PNPLA7: variants seen among roughly 807,000 people sequenced by gnomAD.
The protein encoded by PNPLA7 is patatin like domain 7, lysophospholipase, also known as patatin-like phospholipase domain-containing protein 7.
In PNPLA7, 153 loss-of-function variants were observed where a neutral mutation model predicts 161.7. The observed-to-expected ratio is 0.95, with a 90% CI of 0.83 to 1.08. The LOEUF (loss-of-function observed/expected upper bound fraction) is 1.08. PNPLA7 is among the 50% of genes least tolerant of loss of function. The pLI is 0.00. For synonymous variants in PNPLA7, 809 were observed against 782.1 expected, an observed-to-expected ratio of 1.03 and a Z score of -0.57; for missense variants, 1,739 against 1,856.6, an observed-to-expected ratio of 0.94 and a Z score of 1.16.
intron 1 of PNPLA7, among the ~76,000 whole-genome samples, chr9:137,549,186 A>C (rs1018854436): frequency 6.6e-6 from 1 of 152,250 alleles, no homozygotes; most frequent in East Asian, 1.9e-4. Context: ...TGTTTGACTA[A>C]GAAAAAGATT....
At chr9:137,522,114 G>A (rs936545786) in intron 9 of PNPLA7, among the ~76,000 whole-genome samples, 1 of 152,044 alleles carries the variant, frequency 6.6e-6, no homozygotes, top group Non-Finnish European at 1.5e-5. Context: ...TCGCTATGCC[G>A]CCCAGGCTGG....
chr9:137,479,600 A>C, intron 23 of PNPLA7: 1 of 985,436 alleles, frequency 1.0e-6, no homozygotes, highest in African/African-American at 1.7e-5. Context: ...ATCAGAGAGG[A>C]GGAATTTTTA....
chr9:137,497,343 G>GC lies in PNPLA7; in HGVS notation c.1890-34dup, dbSNP rs1462606065. 5 of 1,488,208 alleles carry GC rather than the reference G, an allele frequency of 3.4e-6. No individual in the cohort carries two copies. In the Admixed American group the frequency reaches 6.4e-5, roughly 19 times the overall value. The allele number at this position is 1,488,208 out of a possible 1,614,324, so 92.2% of individuals were successfully genotyped here. On this transcript the variant is annotated intron_variant, in intron 17 of 34. Coordinates refer to ENST00000406427, the MANE Select transcript of PNPLA7 (RefSeq NM_001098537.3). ...AGACACAGAGGCCCTGCAGCCCTGGGCCCCCAGCCTCAGCCTCCACACCCA... is the reference window on the plus strand; with the variant it reads ...AGACACAGAGGCCCTGCAGCCCTGGGCCCCCCAGCCTCAGCCTCCACACCCA...
At chr9:137,462,615 G>T in intron 30 of PNPLA7, 70 bp downstream of exon 30, 1 of 1,564,446 alleles carries the variant, frequency 6.4e-7, no homozygotes, top group Non-Finnish European at 8.7e-7. Flanking sequence ...CCACTCCCCT[G>T]CCGCAGGACA....
intron 17 of PNPLA7, 141 bp downstream of exon 17, chr9:137,497,973 G>T: frequency 7.5e-7 from 1 of 1,339,092 alleles, no homozygotes; most frequent in Non-Finnish European, 1.0e-6. Flanking sequence ...CTGGGGTGGG[G>T]CTGGGGAAAT....
chr9:137,481,039 C>G lies in PNPLA7; in HGVS notation c.2348-16G>C. ...AGGGTCGGGCCTGAAAACACCACCACCAGTAACGGAGCCTGCCTGGGCAGC... is the reference window on the plus strand; with the variant it reads ...AGGGTCGGGCCTGAAAACACCACCAGCAGTAACGGAGCCTGCCTGGGCAGC... On this transcript the variant is annotated splice_polypyrimidine_tract_variant and intron_variant, in intron 21 of 34. Coordinates refer to ENST00000406427, the MANE Select transcript of PNPLA7 (RefSeq NM_001098537.3). The G allele has an allele frequency of 3.2e-6, 5 of 1,551,592 alleles. No individual in the cohort carries two copies. Among genetic ancestry groups the G allele is most frequent in the Non-Finnish European group, 4.4e-6 (5 of 1,146,900 alleles).
chr9:137,522,716 A>G lies in PNPLA7; in HGVS notation c.876+13T>C. The G allele has an allele frequency of 6.2e-7, 1 of 1,613,078 alleles. No individual in the cohort carries two copies. The highest frequency in any genetic ancestry group is 8.5e-7 in the Non-Finnish European group (1 of 1,179,564). ...CACAGCAGCTAGAAGAGTTGTCTGA[A>G]AAAGTGACTCACCTGCACCACCCTC... On this transcript the variant is annotated intron_variant, in intron 9 of 34. Transcript: ENST00000406427.
chr9:137,480,915 C>A (rs981470009), intron 22 of PNPLA7, 45 bp downstream of exon 22: 2 of 1,540,402 alleles, frequency 1.3e-6, no homozygotes, highest in Non-Finnish European at 1.8e-6. Context: ...CTCAGGGCTG[C>A]GTTGGGCCGG....
chr9:137,545,315 C>G (rs1014310212), intron 4 of PNPLA7, among the ~76,000 whole-genome samples: 2 of 152,148 alleles, frequency 1.3e-5, no homozygotes, highest in Admixed American at 6.5e-5. Flanking sequence ...AACTCAGCCC[C>G]TCAAATCCCA....
At position 137,541,556 on chromosome 9, in the gene PNPLA7, A is replaced by T; in HGVS notation, c.667-834T>A. On this transcript the variant is annotated intron_variant, in intron 7 of 34. Coordinates refer to ENST00000406427, the MANE Select transcript of PNPLA7 (RefSeq NM_001098537.3). This position sits in a 1 kb window ranked among gnomAD's most constrained non-coding sequence, Gnocchi z 4.4. ...TGCAGGTCAGGGTGATGATCACACAAAGCCCAGGGTTTGCTGAGTGCGTGC... is the reference window on the plus strand; with the variant it reads ...TGCAGGTCAGGGTGATGATCACACATAGCCCAGGGTTTGCTGAGTGCGTGC... 2.1e-6 allele frequency: 2 copies of T among 944,294 alleles called. No individual in the cohort carries two copies. The highest frequency in any genetic ancestry group is 2.5e-6 in the Non-Finnish European group (2 of 792,444). The allele number at this position is 944,294 out of a possible 1,614,324, so 58.5% of individuals were successfully genotyped here. A position where few individuals can be genotyped will look rare whatever the true frequency, so the allele number is the denominator to read the frequency against.
intron 1 of PNPLA7, among the ~76,000 whole-genome samples, chr9:137,548,638 C>T (rs1214437829): frequency 6.6e-6 from 1 of 152,142 alleles, no homozygotes; most frequent in Non-Finnish European, 1.5e-5. Context: ...GTCCCAGCTA[C>T]TTGGGAGGCT....
intron 8 of PNPLA7, among the ~76,000 whole-genome samples, chr9:137,535,615 T>G (rs1835843110): frequency 6.6e-6 from 1 of 151,372 alleles, no homozygotes; most frequent in Admixed American, 6.6e-5. Flanking sequence ...TAGCTGGGCA[T>G]GGTGGTGGGC....
In PNPLA7 at chr9:137,515,463, C is replaced by T. The variant is rs143346074; in HGVS notation, c.1141G>A (p.Val381Ile). 5.5e-5 allele frequency: 87 copies of T among 1,587,694 alleles called. No homozygotes were observed. The highest frequency in any genetic ancestry group is 6.7e-5 in the Non-Finnish European group (78 of 1,168,840). ...AGPLLKRSHS[V>I]PAPSIRKQIL... is the part of the protein sequence containing the mutation. ...TGTTTGCGAATGGAAGGCGCGGGGA[C>T]GGAGTGGCTCCTCTTCAGCAGGGGC... Residue 381 changes from valine (V) to isoleucine (I), a missense_variant, in exon 12 of 35, where the codon GTC becomes ATC. By Grantham distance (29) the Val-to-Ile change is conservative. Transcript: ENST00000406427.
In PNPLA7 at chr9:137,480,898, G is replaced by T; in HGVS notation, c.2411+62C>A. On this transcript the variant is annotated intron_variant, in intron 22 of 34. Transcript: ENST00000406427. ...AGATGCTGGATGTGGACACAGTGGG[G>T]ACACATCTCAGGGCTGCGTTGGGCC... The T allele has an allele frequency of 2.7e-6, 4 of 1,483,536 alleles. No individual in the cohort carries two copies. In the South Asian group the frequency reaches 3.6e-5, roughly 13 times the overall value. The allele number at this position is 1,483,536 out of a possible 1,614,324, so 91.9% of individuals were successfully genotyped here. A position where few individuals can be genotyped will look rare whatever the true frequency, so the allele number is the denominator to read the frequency against.
chr9:137,512,042 G>A (rs1057297881), intron 12 of PNPLA7, among the ~76,000 whole-genome samples: 4 of 152,204 alleles, frequency 2.6e-5, no homozygotes, highest in African/African-American at 4.8e-5. Flanking sequence ...CGGACTCTGC[G>A]CACTGGTGGT....
chr9:137,525,439 G>A (rs1421207740), intron 8 of PNPLA7, among the ~76,000 whole-genome samples: 1 of 152,226 alleles, frequency 6.6e-6, no homozygotes, highest in African/African-American at 2.4e-5. Context: ...AAGGCAAGGG[G>A]GCAGGTAAGA....
At chr9:137,496,311 T>C (rs1833057044) in intron 18 of PNPLA7, among the ~76,000 whole-genome samples, 1 of 151,632 alleles carries the variant, frequency 6.6e-6, no homozygotes, top group Non-Finnish European at 1.5e-5. Context: ...TTCTTCATGT[T>C]GGTCAGGCTT....
At chr9:137,498,658 G>T (rs1206276664) in intron 16 of PNPLA7, among the ~76,000 whole-genome samples, 1 of 152,222 alleles carries the variant, frequency 6.6e-6, no homozygotes, top group Non-Finnish European at 1.5e-5. Context: ...GACCCATGGG[G>T]CCTGGATAGC....
chr9:137,498,447 G>A (rs897493217), intron 16 of PNPLA7, among the ~76,000 whole-genome samples: 2 of 152,264 alleles, frequency 1.3e-5, no homozygotes, highest in Non-Finnish European at 2.9e-5. Context: ...GTGCCCAGTG[G>A]CCAGCAGCTG....
Sources: gnomAD v4.1 joint callset for allele counts (sites outside exome capture counted in the v4.1 genomes callset) on GRCh38, gnomAD v4.1.1 for gene constraint, Gnocchi (gnomAD v3.1) non-coding constraint, MANE v1.5 for transcripts, NCBI Gene and HGNC (gene_info 2026-07-23, HGNC 2026-07-21) for gene names.